The following IQCK variants were observed in gnomAD, a reference collection of about 807,000 sequenced individuals.
IQCK encodes the protein IQ domain-containing protein K.
IQCK carries 29 observed loss-of-function variants against 28.1 expected under a neutral mutation model. The ratio of observed to expected loss-of-function variants is 1.03; its 90% confidence interval spans 0.77 to 1.41. The LOEUF (loss-of-function observed/expected upper bound fraction) is 1.41, where lower values mean the gene tolerates loss of function less well. Among genes scored for constraint, IQCK ranks in the 40% most tolerant of loss-of-function variants. The pLI is 0.00. For missense variants in IQCK, 359 were observed against 314.7 expected (o/e 1.14, Z -1.07); for synonymous variants, 113 against 115.1 (o/e 0.98, Z 0.12).
chr16:19,731,034 A>G lies in IQCK; in HGVS notation c.246+540A>G, dbSNP rs144098293. ...CCACTGCTCCCATCCAGGTTTCTGCATTTATTAAATGGGACAGATAATGCT... is the reference window on the plus strand; with the variant it reads ...CCACTGCTCCCATCCAGGTTTCTGCGTTTATTAAATGGGACAGATAATGCT... On this transcript the variant is annotated intron_variant, in intron 2 of 7. Coordinates refer to ENST00000564186, the Ensembl canonical transcript of IQCK. 2.0e-3 allele frequency among the ~76,000 whole-genome samples: 299 copies of G among 152,262 alleles called. 3 individuals carry two copies. The highest frequency in any genetic ancestry group is 7.0e-3 in the African/African-American group (290 of 41,540).
chr16:19,823,767 T>C (rs1004150813), intron 7 of IQCK, among the ~76,000 whole-genome samples: 3 of 152,034 alleles, frequency 2.0e-5, no homozygotes, highest in African/African-American at 7.2e-5. Context: ...CAAAACCCAG[T>C]CTCTACTAAA....
chr16:19,780,111 A>G lies in IQCK; in HGVS notation c.606-8727A>G, dbSNP rs186438377. On this transcript the variant is annotated intron_variant, in intron 6 of 7. Coordinates refer to ENST00000564186, the Ensembl canonical transcript of IQCK. ...AGCTGGAGTGCAGTGGTGCGCTCTC[A>G]GCTCACAGCAACTTCCGCCTCCTAA... Among the ~76,000 whole-genome samples the G allele has an allele frequency of 5.2e-3, 771 of 147,986 alleles. 5 individuals are homozygous for G. Among genetic ancestry groups the G allele is most frequent in the Non-Finnish European group, 8.6e-3 (574 of 67,122 alleles).
In IQCK at chr16:19,735,631, C is replaced by T. The variant is rs185156047; in HGVS notation, c.474+181C>T. On this transcript the variant is annotated intron_variant, in intron 4 of 7. Coordinates refer to ENST00000564186, the Ensembl canonical transcript of IQCK. ...CACCATCTAGTTGTGCACATACATG[C>T]GCTGCCATCTGTCTGGCCACTTGGA... 61 of 588,316 alleles carry T rather than the reference C, an allele frequency of 1.0e-4. No homozygotes were observed. In the East Asian group the frequency reaches 1.4e-3, roughly 14 times the overall value. 36.4% of individuals were successfully genotyped at this position (588,316 alleles called of 1,614,324 possible). A position where few individuals can be genotyped will look rare whatever the true frequency, so the allele number is the denominator to read the frequency against.
Position 19,779,038 on chromosome 16 carries a change from A to G in IQCK, c.606-9800A>G, listed in dbSNP as rs546611833. Among the ~76,000 whole-genome samples, 4 of 152,286 alleles carry G rather than the reference A, an allele frequency of 2.6e-5. No homozygotes were observed. The East Asian group carries it at 5.8e-4, about 22-fold the overall frequency. Reference sequence around the variant, plus strand: ...CACTCTGTTGCCCAGGCTGGAGTGCAGTGGTGCGATCATAGCTCACTGCAG... The same window carrying G: ...CACTCTGTTGCCCAGGCTGGAGTGCGGTGGTGCGATCATAGCTCACTGCAG... On this transcript the variant is annotated intron_variant, in intron 6 of 7. Transcript: ENST00000564186.
chr16:19,774,291 T>G (rs1027164238), intron 6 of IQCK, among the ~76,000 whole-genome samples: 1 of 151,654 alleles, frequency 6.6e-6, no homozygotes. Flanking sequence ...TGAACAAAGT[T>G]CCCCCCGTAA....
intron 4 of IQCK, among the ~76,000 whole-genome samples, chr16:19,737,405 G>A (rs1375629879): frequency 1.3e-5 from 2 of 152,120 alleles, no homozygotes; most frequent in African/African-American, 2.4e-5. Context: ...TGCCTTCACA[G>A]TATCCTGCCC....
intron 6 of IQCK, among the ~76,000 whole-genome samples, chr16:19,773,085 C>T (rs903678804): frequency 1.3e-4 from 19 of 151,944 alleles, no homozygotes; most frequent in African/African-American, 2.4e-5. Context: ...GGAGATGTGC[C>T]CTGGGCGAGG....
At chr16:19,846,283 C>T (rs937496830) in intron 9 of IQCK, among the ~76,000 whole-genome samples, 40 of 152,238 alleles carry the variant, frequency 2.6e-4, no homozygotes, top group African/African-American at 9.6e-4. Context: ...CTGCCTTCTC[C>T]CAAGTGGTGT....
intron 6 of IQCK, among the ~76,000 whole-genome samples, chr16:19,767,935 T>A (rs1470804676): frequency 6.6e-6 from 1 of 151,268 alleles, no homozygotes; most frequent in Non-Finnish European, 1.5e-5. Flanking sequence ...CAGGGAACTT[T>A]GGAAAATAGT....
Position 19,728,299 on chromosome 16 carries a change from A to G in IQCK, c.182-2131A>G, listed in dbSNP as rs1053260978. On this transcript the variant is annotated intron_variant, in intron 1 of 7. Transcript: ENST00000564186. ...AGTCTCACTCTGTCACCCAGGCTGGAGTGCAATGGTGAGATCTTGGTTCAC... is the reference window on the plus strand; with the variant it reads ...AGTCTCACTCTGTCACCCAGGCTGGGGTGCAATGGTGAGATCTTGGTTCAC... Among the ~76,000 whole-genome samples, 4 of 152,080 alleles carry G rather than the reference A, an allele frequency of 2.6e-5. No individual in the cohort carries two copies. The South Asian group carries it at 8.3e-4, about 32-fold the overall frequency.
At chr16:19,718,964 G>A (rs1467556545) in intron 1 of IQCK, among the ~76,000 whole-genome samples, 2 of 152,182 alleles carry the variant, frequency 1.3e-5, no homozygotes, top group Admixed American at 6.5e-5. Context: ...CAGTAACCAT[G>A]GTGTGGACAA....
intron 9 of IQCK, among the ~76,000 whole-genome samples, chr16:19,854,987 T>C (rs1381044415): frequency 6.6e-6 from 1 of 152,220 alleles, no homozygotes; most frequent in Non-Finnish European, 1.5e-5. Flanking sequence ...GTATTAAAAA[T>C]ATTTTTTTCT....
At chr16:19,771,919 A>C (rs2055326083) in intron 6 of IQCK, among the ~76,000 whole-genome samples, 1 of 152,194 alleles carries the variant, frequency 6.6e-6, no homozygotes, top group South Asian at 2.1e-4. Flanking sequence ...GGTGAAACCG[A>C]CAGGGAATCA....
In IQCK at chr16:19,792,859, G is replaced by A. The variant is rs762054571; in HGVS notation, c.690+3937G>A. On this transcript the variant is annotated intron_variant, in intron 7 of 7. Transcript: ENST00000564186. ...TTCCCAAAGTGCTGGGATTACAGGC[G>A]TGAGCCACTGCACCCGGCCACACTG... Among the ~76,000 whole-genome samples the A allele has an allele frequency of 6.1e-5, 7 of 115,222 alleles. 1 individual carries two copies. Among genetic ancestry groups the A allele is most frequent in the South Asian group, 5.0e-4 (2 of 3,998 alleles). The allele number at this position is 115,222 out of a possible 152,430, so 75.6% of individuals were successfully genotyped here. A position where few individuals can be genotyped will look rare whatever the true frequency, so the allele number is the denominator to read the frequency against.
intron 4 of IQCK, among the ~76,000 whole-genome samples, chr16:19,760,113 G>T (rs1002149332): frequency 6.6e-6 from 1 of 152,276 alleles, no homozygotes; most frequent in South Asian, 2.1e-4. Flanking sequence ...GACAGAGAGA[G>T]ACTCTGTCTC....
chr16:19,769,968 G>A (rs535912562), intron 6 of IQCK, among the ~76,000 whole-genome samples: 11 of 152,242 alleles, frequency 7.2e-5, no homozygotes, highest in African/African-American at 2.6e-4. Context: ...GTATGTGGGT[G>A]GCCCATAATG....
At chr16:19,755,041 A>G (rs2055034248) in intron 4 of IQCK, among the ~76,000 whole-genome samples, 1 of 152,152 alleles carries the variant, frequency 6.6e-6, no homozygotes, top group African/African-American at 2.4e-5. Context: ...AAATGTGAAT[A>G]CCTGTTTGCA....
At chr16:19,846,122 A>T (rs902249052) in intron 9 of IQCK, among the ~76,000 whole-genome samples, 6 of 152,230 alleles carry the variant, frequency 3.9e-5, no homozygotes, top group African/African-American at 1.4e-4. Flanking sequence ...GTGCCATACA[A>T]TATGTACCAT....
chr16:19,718,636 G>GAA (rs1977348887), intron 1 of IQCK, 149 bp downstream of exon 1: 1 of 671,744 alleles, frequency 1.5e-6, no homozygotes, highest in Admixed American at 4.3e-5. Context: ...TTTACGCATG[G>GAA]GGAAACTGAG....
Sources: allele counts gnomAD v4.1 joint callset (sites outside exome capture counted in the v4.1 genomes callset), GRCh38; gene constraint gnomAD v4.1.1; transcripts MANE v1.5; gene names NCBI Gene and HGNC (gene_info 2026-07-23, HGNC 2026-07-21).